The following ZNF804A variants were observed in gnomAD, a reference collection of about 807,000 sequenced individuals.
The protein encoded by ZNF804A is zinc finger protein 804A.
In ZNF804A, 2 loss-of-function variants were observed where a neutral mutation model predicts 16.5. The observed-to-expected ratio is 0.12, with a 90% CI of 0.05 to 0.38. ZNF804A has a LOEUF of 0.38. Among genes scored for constraint, ZNF804A ranks in the 10% least tolerant of loss-of-function variants. ZNF804A has a pLI of 0.99. For synonymous variants in ZNF804A, 534 were observed against 489.6 expected (o/e 1.09, Z -1.20); for missense variants, 1,473 against 1,390.7 (o/e 1.06, Z -0.94).
At chr2:184,813,405 GA>G (rs1321352159) in intron 1 of ZNF804A, among the ~76,000 whole-genome samples, 1 of 152,064 alleles carries the variant, frequency 6.6e-6, no homozygotes, top group Admixed American at 6.6e-5. Flanking sequence ...ATTAGGGTTT[GA>G]GCTGGATATT....
intron 2 of ZNF804A, among the ~76,000 whole-genome samples, chr2:184,888,022 C>T (rs2105820902): frequency 6.6e-6 from 1 of 152,222 alleles, no homozygotes; most frequent in East Asian, 1.9e-4. Context: ...CTATTGGGTA[C>T]TATGCTTATT....
At chr2:184,665,891 C>T (rs1340200645) in intron 1 of ZNF804A, among the ~76,000 whole-genome samples, 1 of 152,198 alleles carries the variant, frequency 6.6e-6, no homozygotes, top group Non-Finnish European at 1.5e-5. Flanking sequence ...TCCTCTATCA[C>T]ATCCCTCTGG....
At chr2:184,682,701 C>G (rs1258217611) in intron 1 of ZNF804A, among the ~76,000 whole-genome samples, 1 of 152,170 alleles carries the variant, frequency 6.6e-6, no homozygotes, top group Non-Finnish European at 1.5e-5. Context: ...GGCGTTTACT[C>G]TTATTGAAGC....
intron 1 of ZNF804A, among the ~76,000 whole-genome samples, chr2:184,772,733 C>T (rs1260393197): frequency 6.6e-6 from 1 of 151,558 alleles, no homozygotes; most frequent in Non-Finnish European, 1.5e-5. Flanking sequence ...TGCATTCCCA[C>T]CAGGAGTGTA....
intron 1 of ZNF804A, among the ~76,000 whole-genome samples, chr2:184,856,147 G>A (rs928393634): frequency 1.3e-5 from 2 of 151,894 alleles, no homozygotes; most frequent in African/African-American, 4.8e-5. Flanking sequence ...AAGGACTAGA[G>A]CAGCATGTAT....
chr2:184,739,015 G>T (rs546594763), intron 1 of ZNF804A, among the ~76,000 whole-genome samples: 4 of 152,190 alleles, frequency 2.6e-5, no homozygotes, highest in African/African-American at 9.6e-5. Flanking sequence ...AATTTTACAC[G>T]ATTCTGAAAT....
chr2:184,816,051 G>A (rs994111263), intron 1 of ZNF804A, among the ~76,000 whole-genome samples: 3 of 152,016 alleles, frequency 2.0e-5, no homozygotes, highest in African/African-American at 7.2e-5. Flanking sequence ...ACAGAGCCAG[G>A]AACATAACAT....
chr2:184,898,315 T>C (rs1417493534), intron 2 of ZNF804A, among the ~76,000 whole-genome samples: 1 of 152,244 alleles, frequency 6.6e-6, no homozygotes, highest in East Asian at 1.9e-4. Context: ...TAATAGTGAA[T>C]ATAACAGTGA....
At chr2:184,742,818 C>G (rs554808745) in intron 1 of ZNF804A, among the ~76,000 whole-genome samples, 1 of 148,976 alleles carries the variant, frequency 6.7e-6, no homozygotes, top group East Asian at 1.9e-4. Flanking sequence ...ATATATATAA[C>G]TATATTATAT....
At chr2:184,709,851 A>G (rs1005150140) in intron 1 of ZNF804A, among the ~76,000 whole-genome samples, 1 of 148,196 alleles carries the variant, frequency 6.7e-6, no homozygotes, top group African/African-American at 2.4e-5. Flanking sequence ...TTTATAGTAT[A>G]TATTATAAAT....
rs148153382 is a variant in ZNF804A at position 184,817,127 on chromosome 2, G to T, written c.112-49242G>T. On this transcript the variant is annotated intron_variant, in intron 1 of 3. Transcript: ENST00000302277. ...TTGGAGAAGTGGTCATGGTAGTGAA[G>T]ATATAAAGTGGGAAGATGAATAGAG... 2.5e-3 allele frequency among the ~76,000 whole-genome samples: 377 copies of T among 151,982 alleles called. 1 individual carries two copies. The highest frequency in any genetic ancestry group is 6.8e-3 in the Middle Eastern group (2 of 294).
rs201469286 is a variant in ZNF804A, at chr2:184,938,124, G to T, written c.2728G>T (p.Val910Phe). 6.2e-7 allele frequency: 1 copy of T among 1,614,090 alleles called. No individual in the cohort carries two copies. Among genetic ancestry groups the T allele is most frequent in the East Asian group, 2.2e-5 (1 of 44,850 alleles). ...METTSGELSD[V>F]SNDPTTSVCV... Reference sequence around the variant, plus strand: ...GACCACTTCTGGTGAATTGTCAGATGTTTCCAATGATCCCACCACATCTGT... The same window carrying T: ...GACCACTTCTGGTGAATTGTCAGATTTTTCCAATGATCCCACCACATCTGT... The change falls in exon 4 of 4, where the codon GTT (valine) becomes TTT (phenylalanine). Residue 910 changes from valine (V) to phenylalanine (F), a missense_variant. By Grantham distance (50) the Val-to-Phe change is conservative (BLOSUM62 -1). Coordinates refer to ENST00000302277, the MANE Select transcript of ZNF804A (RefSeq NM_194250.2).
intron 1 of ZNF804A, among the ~76,000 whole-genome samples, chr2:184,857,886 GT>G (rs1291262612): frequency 6.6e-6 from 1 of 151,876 alleles, no homozygotes; most frequent in African/African-American, 2.4e-5. Flanking sequence ...ACATAGTTGG[GT>G]CTTGTTTATT....
intron 1 of ZNF804A, among the ~76,000 whole-genome samples, chr2:184,733,855 G>A: frequency 6.7e-6 from 1 of 150,290 alleles, no homozygotes; most frequent in Middle Eastern, 3.6e-3. Context: ...TGTAATCTGT[G>A]GTTATGTCTC....
chr2:184,903,591 T>C (rs1685219802), intron 2 of ZNF804A, among the ~76,000 whole-genome samples: 1 of 152,162 alleles, frequency 6.6e-6, no homozygotes, highest in Admixed American at 6.6e-5. Context: ...CACATGACTG[T>C]AGTATAAGAG....
intron 2 of ZNF804A, among the ~76,000 whole-genome samples, chr2:184,891,317 T>G (rs1684980753): frequency 6.6e-6 from 1 of 152,146 alleles, no homozygotes; most frequent in South Asian, 2.1e-4. Flanking sequence ...TTGTCTATAC[T>G]CTGGTTTTAC....
At chr2:184,820,873 C>T (rs1462504389) in intron 1 of ZNF804A, among the ~76,000 whole-genome samples, 1 of 151,976 alleles carries the variant, frequency 6.6e-6, no homozygotes, top group African/African-American at 2.4e-5. Context: ...AATGAAGCAC[C>T]TCTTCAAGAA....
At chr2:184,879,260 G>A (rs552543317) in intron 2 of ZNF804A, among the ~76,000 whole-genome samples, 1 of 152,030 alleles carries the variant, frequency 6.6e-6, no homozygotes, top group South Asian at 2.1e-4. Flanking sequence ...ATATCTCCAT[G>A]AGCATCTTTG....
At chr2:184,823,096 T>C (rs1019251726) in intron 1 of ZNF804A, among the ~76,000 whole-genome samples, 2 of 152,070 alleles carry the variant, frequency 1.3e-5, no homozygotes, top group African/African-American at 2.4e-5. Context: ...GGCTAGGAAG[T>C]CCAAGATCAA....
Sources: gnomAD v4.1 joint callset for allele counts (sites outside exome capture counted in the v4.1 genomes callset) on GRCh38, gnomAD v4.1.1 for gene constraint, MANE v1.5 for transcripts, NCBI Gene and HGNC (gene_info 2026-07-23, HGNC 2026-07-21) for gene names.